The following MEIS2 variants were observed in gnomAD, a reference collection of about 807,000 sequenced individuals.
MEIS2 encodes the protein Meis homeobox 2.
MEIS2 carries 9 observed loss-of-function variants against 58.6 expected under a neutral mutation model. The ratio of observed to expected loss-of-function variants is 0.15; its 90% confidence interval spans 0.09 to 0.27. The LOEUF (loss-of-function observed/expected upper bound fraction) is 0.27. Ranked by LOEUF, MEIS2 falls within the 10% of genes least tolerant of loss-of-function variation. MEIS2 has a pLI of 1.00. For missense variants in MEIS2, 427 were observed against 635.0 expected (o/e 0.67, Z 3.52); for synonymous variants, 221 against 228.4 (o/e 0.97, Z 0.29).
chr15:36,903,599 A>T (rs1467417150), intron 9 of MEIS2, among the ~76,000 whole-genome samples: 2 of 152,204 alleles, frequency 1.3e-5, no homozygotes, highest in African/African-American at 2.4e-5. Context: ...TATCAACATA[A>T]AAAGCAGGCA....
intron 7 of MEIS2, among the ~76,000 whole-genome samples, chr15:37,074,298 C>A (rs1482253291): frequency 6.6e-6 from 1 of 151,944 alleles, no homozygotes; most frequent in African/African-American, 2.4e-5. Context: ...AATGCCTAGT[C>A]ATATTTTTGC....
chr15:37,098,088 C>T lies in MEIS2; in HGVS notation c.124G>A (p.Gly42Arg). 6.2e-7 allele frequency: 1 copy of T among 1,613,758 alleles called. No individual in the cohort carries two copies. Among genetic ancestry groups the T allele is most frequent in the Non-Finnish European group, 8.5e-7 (1 of 1,179,936 alleles). ...PIPPVHHLNH[G>R]PPLHATQHYG... is the part of the protein sequence containing the mutation. ...TGCTGTGTGGCGTGGAGCGGCGGCC[C>T]GTGGTTCAGGTGGTGAACCGGGGGG... Residue 42 changes from glycine (G) to arginine (R), a missense_variant, in exon 2 of 12, where the codon GGG becomes AGG. Coordinates refer to ENST00000561208, the MANE Select transcript of MEIS2 (RefSeq NM_170675.5).
At chr15:37,051,805 TGAG>T (rs377144473) in intron 7 of MEIS2, among the ~76,000 whole-genome samples, 65 of 152,304 alleles carry the variant, frequency 4.3e-4, no homozygotes, top group African/African-American at 1.6e-3. Context: ...AAAGAAGCTG[TGAG>T]GAGAAGCTCA....
At chr15:36,968,525 G>A (rs1331675435) in intron 8 of MEIS2, among the ~76,000 whole-genome samples, 1 of 152,172 alleles carries the variant, frequency 6.6e-6, no homozygotes, top group Non-Finnish European at 1.5e-5. Context: ...CCTGGGAAGA[G>A]ATTGCATAAA....
intron 9 of MEIS2, among the ~76,000 whole-genome samples, chr15:36,944,641 G>GCA (rs2058495576): frequency 1.3e-5 from 2 of 152,094 alleles, no homozygotes; most frequent in Admixed American, 6.6e-5. Context: ...GGCAGTTTCA[G>GCA]CACATTAAAT....
At chr15:36,989,055 C>G (rs2060185528) in intron 8 of MEIS2, among the ~76,000 whole-genome samples, 1 of 152,166 alleles carries the variant, frequency 6.6e-6, no homozygotes, top group Non-Finnish European at 1.5e-5. Context: ...TTTAATTAAT[C>G]CTTTAACTGT....
At chr15:36,951,074 A>C (rs2058733910) in intron 8 of MEIS2, among the ~76,000 whole-genome samples, 1 of 152,122 alleles carries the variant, frequency 6.6e-6, no homozygotes, top group African/African-American at 2.4e-5. Flanking sequence ...TTCATATAGA[A>C]ATTTTACATT....
chr15:37,037,961 G>A (rs905016985), intron 7 of MEIS2, among the ~76,000 whole-genome samples: 11 of 152,186 alleles, frequency 7.2e-5, no homozygotes, highest in African/African-American at 2.7e-4. Flanking sequence ...ACAGCACTGG[G>A]GCTTTATAGA....
chr15:36,899,380 G>A (rs1255103604), intron 9 of MEIS2, among the ~76,000 whole-genome samples: 1 of 152,126 alleles, frequency 6.6e-6, no homozygotes, highest in East Asian at 1.9e-4. Context: ...TACCAGTACT[G>A]ATGACTCAGA....
At chr15:37,049,535 G>T (rs371447636) in intron 7 of MEIS2, among the ~76,000 whole-genome samples, 1 of 151,516 alleles carries the variant, frequency 6.6e-6, no homozygotes, top group Non-Finnish European at 1.5e-5. Context: ...CTCCCAGGCC[G>T]GAGTGTAGTG....
At chr15:37,053,559 T>C (rs759798914) in intron 7 of MEIS2, among the ~76,000 whole-genome samples, 4 of 152,160 alleles carry the variant, frequency 2.6e-5, no homozygotes, top group Non-Finnish European at 5.9e-5. Flanking sequence ...ATATTCTGAG[T>C]CATACTGTGT....
At chr15:37,054,971 T>G (rs140227437) in intron 7 of MEIS2, among the ~76,000 whole-genome samples, 3 of 152,230 alleles carry the variant, frequency 2.0e-5, no homozygotes, top group Non-Finnish European at 4.4e-5. Context: ...CTAAACACTT[T>G]ATATGAATTC....
At chr15:37,068,579 C>G (rs1333602125) in intron 7 of MEIS2, among the ~76,000 whole-genome samples, 1 of 152,198 alleles carries the variant, frequency 6.6e-6, no homozygotes, top group Non-Finnish European at 1.5e-5. Flanking sequence ...GGGTGCTACA[C>G]AGAGCTGACC....
chr15:37,046,293 G>A (rs1048856593), intron 7 of MEIS2, among the ~76,000 whole-genome samples: 2 of 152,170 alleles, frequency 1.3e-5, no homozygotes, highest in African/African-American at 4.8e-5. Context: ...GTGATCCCGA[G>A]ACAACCTGGC....
In MEIS2 at chr15:37,098,256, G is replaced by A. The variant is rs75990895; in HGVS notation, c.13-57C>T. On this transcript the variant is annotated intron_variant, in intron 1 of 11. Transcript: ENST00000561208. ...AGGAGGTGAGGGAGAACAGAGGAGG[G>A]GGGTGGAAAGGGAAAAAGAGCAGGG... 7,176 of 1,483,908 alleles carry A rather than the reference G, an allele frequency of 4.8e-3. 263 individuals carry two copies. In the African/African-American group the frequency reaches 0.086, roughly 18 times the overall value. The allele number at this position is 1,483,908 out of a possible 1,614,324, so 91.9% of individuals were successfully genotyped here. A position where few individuals can be genotyped will look rare whatever the true frequency, so the allele number is the denominator to read the frequency against.
chr15:36,908,941 AAATAAT>A (rs570250317), intron 9 of MEIS2, among the ~76,000 whole-genome samples: 11 of 152,070 alleles, frequency 7.2e-5, no homozygotes, highest in East Asian at 1.9e-4. Context: ...CTCCATCTCA[AAATAAT>A]AATAATAATA....
intron 8 of MEIS2, among the ~76,000 whole-genome samples, chr15:36,973,612 C>T (rs1337990976): frequency 6.6e-6 from 1 of 151,980 alleles, no homozygotes; most frequent in East Asian, 1.9e-4. Context: ...ATCCGAATTG[C>T]CATGGTAAAA....
At chr15:37,096,253 G>A in intron 3 of MEIS2, 36 bp downstream of exon 3, 1 of 1,548,486 alleles carries the variant, frequency 6.5e-7, no homozygotes, top group Non-Finnish European at 8.7e-7. Context: ...GGTAGTGAGG[G>A]ACTGCCCGAA....
chr15:36,963,650 A>T (rs1292707961), intron 8 of MEIS2, among the ~76,000 whole-genome samples: 1 of 152,222 alleles, frequency 6.6e-6, no homozygotes, highest in Non-Finnish European at 1.5e-5. Flanking sequence ...GGAACATACT[A>T]CTACAAGGAA....
Sources: allele counts gnomAD v4.1 joint callset (sites outside exome capture counted in the v4.1 genomes callset), GRCh38; gene constraint gnomAD v4.1.1; transcripts MANE v1.5; gene names NCBI Gene and HGNC (gene_info 2026-07-23, HGNC 2026-07-21).